Variants in GINS4 observed in about 807,000 individuals in gnomAD.
GINS4 encodes the protein GINS complex subunit 4.
Under a neutral mutation model 31.1 loss-of-function variants are expected in GINS4, and 20 were observed. The observed-to-expected ratio is 0.64, with a 90% CI of 0.45 to 0.93. The LOEUF (loss-of-function observed/expected upper bound fraction) is 0.93, where lower values mean the gene tolerates loss of function less well. Among genes scored for constraint, GINS4 ranks in the 40% least tolerant of loss-of-function variants. The probability of loss-of-function intolerance (pLI) is 0.00; values close to 1 mark genes in which losing one functional copy is unlikely to be tolerated. For synonymous variants in GINS4, 85 were observed against 97.9 expected, an observed-to-expected ratio of 0.87 and a Z score of 0.78; for missense variants, 245 against 273.9, an observed-to-expected ratio of 0.89 and a Z score of 0.75.
rs1255691890 is a variant in GINS4 at position 41,541,853 on chromosome 8, GAAC to G, written c.530_532del (p.Glu177_Arg178delinsGly). ...TTCTTACGTGTTTCTGAGAGTGAGA[GAAC>G]GACAAGAAAACATACTGGTAGAACC... On this transcript the variant is annotated inframe_deletion, in exon 7 of 8. Coordinates refer to ENST00000276533, the MANE Select transcript of GINS4 (RefSeq NM_032336.3). The G allele has an allele frequency of 6.2e-7, 1 of 1,614,052 alleles. No individual in the cohort carries two copies. The highest frequency in any genetic ancestry group is 8.5e-7 in the Non-Finnish European group (1 of 1,180,028).
In GINS4 at chr8:41,534,574, C is replaced by T. The variant is rs1042567178; in HGVS notation, c.97-1786C>T. Among the ~76,000 whole-genome samples, 11 of 152,066 alleles carry T rather than the reference C, an allele frequency of 7.2e-5. 1 individual carries two copies. The highest frequency in any genetic ancestry group is 5.2e-4 in the Admixed American group (8 of 15,274). On this transcript the variant is annotated intron_variant, in intron 2 of 7. Transcript: ENST00000276533. ...TAAATGAAGTGGTCCCCAATACTAC[C>T]CCAGTGTACCAGACAAGCACTATCA...
At chr8:41,535,057 G>T (rs940303058) in intron 2 of GINS4, among the ~76,000 whole-genome samples, 4 of 151,874 alleles carry the variant, frequency 2.6e-5, no homozygotes, top group Non-Finnish European at 5.9e-5. Flanking sequence ...TCAGTATTTG[G>T]CTGGGCTCGG....
intron 2 of GINS4, among the ~76,000 whole-genome samples, chr8:41,532,624 C>G (rs570918610): frequency 2.6e-5 from 4 of 152,134 alleles, no homozygotes; most frequent in African/African-American, 9.6e-5. Context: ...CACCTGAAGT[C>G]AGGAGTTCAA....
At chr8:41,535,957 G>A (rs920556849) in intron 2 of GINS4, among the ~76,000 whole-genome samples, 5 of 152,216 alleles carry the variant, frequency 3.3e-5, no homozygotes, top group African/African-American at 1.2e-4. Flanking sequence ...CTTCAGGAAT[G>A]AAGAGCTGTG....
intron 4 of GINS4, among the ~76,000 whole-genome samples, chr8:41,538,252 T>G (rs1017703606): frequency 2.0e-5 from 3 of 152,192 alleles, no homozygotes; most frequent in Non-Finnish European, 4.4e-5. Context: ...TCCTGGTCTC[T>G]TCTCTAAAAG....
chr8:41,542,517 C>T lies in GINS4; in HGVS notation c.*430C>T, dbSNP rs1408554842. On this transcript the variant is annotated 3_prime_UTR_variant, in exon 8 of 8. Transcript: ENST00000276533. ...CTAAAAATACAAAAAATTAGCCAGG[C>T]ATGGTGGCGGGCCCATCTACTCAGG... 1.1e-5 allele frequency: 2 copies of T among 185,244 alleles called. No homozygotes were observed. The highest frequency in any genetic ancestry group is 1.2e-5 in the Non-Finnish European group (1 of 86,540). The allele number at this position is 185,244 out of a possible 1,614,324, so 11.5% of individuals were successfully genotyped here.
At chr8:41,530,366 G>T in intron 2 of GINS4, 68 bp downstream of exon 2, 2 of 1,121,868 alleles carry the variant, frequency 1.8e-6, no homozygotes, top group South Asian at 1.3e-5. Context: ...GTGAATATCA[G>T]GGATCACAAG....
chr8:41,537,386 G>A, intron 4 of GINS4, 93 bp downstream of exon 4: 2 of 857,314 alleles, frequency 2.3e-6, no homozygotes, highest in Non-Finnish European at 3.8e-6. Flanking sequence ...GGCCCAGGAG[G>A]GTCCAGGACC....
chr8:41,529,295 CCT>C lies in GINS4; in HGVS notation c.-118_-117del, dbSNP rs1024651919. On this transcript the variant is annotated 5_prime_UTR_variant, in exon 1 of 8. Transcript: ENST00000276533. ...CCGGCAAGTCCTTGAGCAGTTTGTT[CCT>C]CTGTCTTCCCGCTTCCTGGTGCCCC... 10 of 152,620 alleles carry C rather than the reference CCT, an allele frequency of 6.6e-5. No individual in the cohort carries two copies. The highest frequency in any genetic ancestry group is 1.7e-4 in the African/African-American group (7 of 41,570). The allele number at this position is 152,620 out of a possible 1,614,324, so 9.5% of individuals were successfully genotyped here. A position where few individuals can be genotyped will look rare whatever the true frequency, so the allele number is the denominator to read the frequency against.
chr8:41,541,048 C>G (rs538445039), intron 6 of GINS4, among the ~76,000 whole-genome samples: 4 of 151,778 alleles, frequency 2.6e-5, no homozygotes, highest in Non-Finnish European at 5.9e-5. Context: ...CCCTCCCCCC[C>G]ACCTTTTGAT....
chr8:41,536,708 G>A (rs1806746547), intron 3 of GINS4, among the ~76,000 whole-genome samples: 1 of 152,180 alleles, frequency 6.6e-6, no homozygotes, highest in African/African-American at 2.4e-5. Context: ...TCCCATGAGA[G>A]CTGTCCATCC....
At chr8:41,532,738 C>T (rs1806669041) in intron 2 of GINS4, among the ~76,000 whole-genome samples, 1 of 149,188 alleles carries the variant, frequency 6.7e-6, no homozygotes, top group Non-Finnish European at 1.5e-5. Context: ...GAGGTTGAGG[C>T]AGGAGAATCT....
chr8:41,531,829 A>G (rs972644669), intron 2 of GINS4, among the ~76,000 whole-genome samples: 1 of 152,120 alleles, frequency 6.6e-6, no homozygotes, highest in African/African-American at 2.4e-5. Flanking sequence ...GAAAAAAGGG[A>G]TACATTCCTG....
At chr8:41,537,384 A>C in intron 4 of GINS4, 91 bp downstream of exon 4, 2 of 881,534 alleles carry the variant, frequency 2.3e-6, no homozygotes, top group Non-Finnish European at 1.8e-6. Flanking sequence ...GGGGCCCAGG[A>C]GGGTCCAGGA....
chr8:41,536,235 C>T, intron 2 of GINS4, 125 bp from the exon 3 acceptor site: 1 of 727,504 alleles, frequency 1.4e-6, no homozygotes, highest in South Asian at 1.5e-5. Flanking sequence ...TCAATGTTTC[C>T]AGTTGGTGGG....
rs1806805592 is a variant in GINS4 at position 41,539,838 on chromosome 8, G to T, written c.395+63G>T. On this transcript the variant is annotated intron_variant, in intron 5 of 7. Transcript: ENST00000276533. ...GTTCAGCATGAGGCCTGTCCTAGAG[G>T]CCTGTGCGCTGCTGCCTGCTAACCT... 26 of 1,573,748 alleles carry T rather than the reference G, an allele frequency of 1.7e-5. No homozygotes were observed. In the South Asian group the frequency reaches 2.8e-4, roughly 17 times the overall value.
At chr8:41,533,932 G>A (rs1017172865) in intron 2 of GINS4, among the ~76,000 whole-genome samples, 1 of 151,986 alleles carries the variant, frequency 6.6e-6, no homozygotes, top group African/African-American at 2.4e-5. Flanking sequence ...CCCCTTATCA[G>A]GGCACCAGTC....
intron 4 of GINS4, among the ~76,000 whole-genome samples, chr8:41,539,433 T>A (rs1227184698): frequency 6.6e-6 from 1 of 152,010 alleles, no homozygotes; most frequent in Non-Finnish European, 1.5e-5. Context: ...TCAGCATTCT[T>A]TTTTCAGCCA....
At chr8:41,530,442 G>A (rs1326806398) in intron 2 of GINS4, 144 bp downstream of exon 2, 9 of 620,730 alleles carry the variant, frequency 1.4e-5, no homozygotes, top group South Asian at 4.0e-5. Flanking sequence ...ACATGGAAAC[G>A]GGAAGCAAGA....
Sources: allele counts gnomAD v4.1 joint callset (sites outside exome capture counted in the v4.1 genomes callset), GRCh38; gene constraint gnomAD v4.1.1; transcripts MANE v1.5; gene names NCBI Gene and HGNC (gene_info 2026-07-23, HGNC 2026-07-21).